Variants in COL28A1 observed in about 807,000 individuals in gnomAD.
COL28A1 encodes collagen type XXVIII alpha 1 chain.
COL28A1 carries 161 observed loss-of-function variants against 150.2 expected under a neutral mutation model. The observed-to-expected ratio is 1.07, with a 90% CI of 0.94 to 1.22. COL28A1 has a LOEUF of 1.22. Ranked by LOEUF, COL28A1 falls within the 50% of genes most tolerant of loss-of-function variation. The pLI is 0.00. For synonymous variants in COL28A1, 552 were observed against 469.7 expected, an observed-to-expected ratio of 1.18 and a Z score of -2.26; for missense variants, 1,617 against 1,388.3, an observed-to-expected ratio of 1.16 and a Z score of -2.62.
At chr7:7,480,133 A>G (rs1228568027) in intron 13 of COL28A1, among the ~76,000 whole-genome samples, 5 of 152,224 alleles carry the variant, frequency 3.3e-5, no homozygotes, top group Admixed American at 2.6e-4. Context: ...CCTCAAGCCC[A>G]GTAGCAGAAC....
chr7:7,352,702 T>C (rs577371257), downstream of COL28A1, among the ~76,000 whole-genome samples: 1 of 152,348 alleles, frequency 6.6e-6, no homozygotes, highest in South Asian at 2.1e-4. Flanking sequence ...ACTTTGATTT[T>C]AGCCCAGTGA....
chr7:7,511,753 G>A, intron 8 of COL28A1: 2 of 471,098 alleles, frequency 4.2e-6, no homozygotes, highest in Non-Finnish European at 8.8e-6. Context: ...ATGAGTTAGC[G>A]AGGACTGCTG....
chr7:7,369,803 A>G (rs2128282485), intron 33 of COL28A1, among the ~76,000 whole-genome samples: 1 of 152,230 alleles, frequency 6.6e-6, no homozygotes. Context: ...TGATGTTAGA[A>G]CACTGTTGCA....
Position 7,419,913 on chromosome 7 carries a change from G to A in COL28A1, c.2039C>T (p.Pro680Leu). 1 of 1,602,246 alleles carries A rather than the reference G, an allele frequency of 6.2e-7. No homozygotes were observed. Among genetic ancestry groups the A allele is most frequent in the Non-Finnish European group, 8.5e-7 (1 of 1,174,794 alleles). ...GVRGPPGPSG[P>L]RGVGTQGPKG... Reference sequence around the variant, plus strand: ...TGGCCCTTGGGTTCCTACGCCCCGAGGCCCAGAAGGACCTGGAGGGCCTCT... The same window carrying A: ...TGGCCCTTGGGTTCCTACGCCCCGAAGCCCAGAAGGACCTGGAGGGCCTCT... Residue 680 changes from proline to leucine, a missense_variant, in exon 26 of 35, where the codon CCT (proline) becomes CTT (leucine). Coordinates refer to ENST00000399429, the MANE Select transcript of COL28A1 (RefSeq NM_001037763.3).
intron 21 of COL28A1, 43 bp from the exon 22 acceptor site, chr7:7,437,505 G>A (rs966289100): frequency 1.3e-6 from 2 of 1,598,038 alleles, no homozygotes; most frequent in Non-Finnish European, 1.7e-6. Context: ...AGCAGAGAAA[G>A]CACATATAGA....
chr7:7,515,921 A>G (rs1781390966), intron 7 of COL28A1, 81 bp from the exon 8 acceptor site: 1 of 761,430 alleles, frequency 1.3e-6, no homozygotes, highest in African/African-American at 1.8e-5. Context: ...TTTCAATTAC[A>G]AGGTATAACA....
At chr7:7,456,793 T>C (rs954946545) in intron 15 of COL28A1, among the ~76,000 whole-genome samples, 15 of 152,208 alleles carry the variant, frequency 9.9e-5, no homozygotes, top group Non-Finnish European at 1.6e-4. Context: ...GCTTAGATTT[T>C]AGTAGGGGAA....
chr7:7,445,669 A>G (rs1352238917), intron 18 of COL28A1, among the ~76,000 whole-genome samples: 1 of 152,218 alleles, frequency 6.6e-6, no homozygotes, highest in Non-Finnish European at 1.5e-5. Context: ...ACTTTCAATC[A>G]GTTTAAAGCA....
Position 7,381,663 on chromosome 7 carries a change from G to T in COL28A1, c.2137-51C>A, listed in dbSNP as rs1355575282. 2.8e-6 allele frequency: 4 copies of T among 1,441,216 alleles called. 1 individual carries two copies. Among genetic ancestry groups the T allele is most frequent in the Non-Finnish European group, 3.9e-6 (4 of 1,024,404 alleles). The allele number at this position is 1,441,216 out of a possible 1,614,324, so 89.3% of individuals were successfully genotyped here. A position where few individuals can be genotyped will look rare whatever the true frequency, so the allele number is the denominator to read the frequency against. On this transcript the variant is annotated intron_variant, in intron 27 of 34. Coordinates refer to ENST00000399429, the MANE Select transcript of COL28A1 (RefSeq NM_001037763.3). ...TTCTATTAATTTCCCAGGATAGCTT[G>T]GCTATTCTTTGGGTCAGAAACACAC...
At chr7:7,429,686 T>C (rs768820026) in intron 25 of COL28A1, among the ~76,000 whole-genome samples, 7 of 152,118 alleles carry the variant, frequency 4.6e-5, no homozygotes, top group Non-Finnish European at 8.8e-5. Context: ...TCCTAACATC[T>C]CCTTCCAGGG....
At chr7:7,461,293 G>A (rs1787600970) in intron 15 of COL28A1, among the ~76,000 whole-genome samples, 1 of 152,208 alleles carries the variant, frequency 6.6e-6, no homozygotes, top group Non-Finnish European at 1.5e-5. Context: ...GGTCCTTGAG[G>A]ATGGCTGCCA....
the COL28A1 span, among the ~76,000 whole-genome samples, chr7:7,343,716 T>C: frequency 6.6e-6 from 1 of 152,046 alleles, no homozygotes; most frequent in Non-Finnish European, 1.5e-5. Context: ...ATATTTAAAG[T>C]GCATTTATGG....
intron 11 of COL28A1, among the ~76,000 whole-genome samples, chr7:7,503,282 C>G (rs1042705460): frequency 6.6e-6 from 1 of 152,144 alleles, no homozygotes; most frequent in Non-Finnish European, 1.5e-5. Context: ...CCTTAGTAGA[C>G]TAATCTGTAC....
rs570300644 is a variant in COL28A1, at chr7:7,497,508, C to G, written c.1027-6862G>C. 4.6e-5 allele frequency among the ~76,000 whole-genome samples: 7 copies of G among 152,278 alleles called. No individual in the cohort carries two copies. In the East Asian group the frequency reaches 1.2e-3, roughly 25 times the overall value. On this transcript the variant is annotated intron_variant, in intron 11 of 34. Coordinates refer to ENST00000399429, the MANE Select transcript of COL28A1 (RefSeq NM_001037763.3). The stretch of plus-strand genomic sequence containing the variant: ...ATAAAATATAGGACTGGGTTTGAAA[C>G]CCAGCAGTTTGAGGTTAAACCCAAA...
intron 15 of COL28A1, among the ~76,000 whole-genome samples, chr7:7,464,091 C>G (rs566648217): frequency 2.6e-5 from 4 of 152,220 alleles, no homozygotes; most frequent in Admixed American, 6.5e-5. Context: ...GATAAAAGGC[C>G]TTGTCCAACA....
rs762580541 is a variant in COL28A1, at chr7:7,477,117, G to T, written c.1228C>A (p.Pro410Thr). ...RGLPGEGFPG[P>T]KGEKGSEGPT... ...GGTACAGAAGGTATTGTTACCTTTGGTCCTGGAAATCCTTCTCCGGGTAAG... is the reference window on the plus strand; with the variant it reads ...GGTACAGAAGGTATTGTTACCTTTGTTCCTGGAAATCCTTCTCCGGGTAAG... Residue 410 changes from proline (P) to threonine (T), a missense_variant, in exon 14 of 35, where the codon CCA (proline) becomes ACA (threonine). Pro to Thr is a conservative substitution (Grantham distance 38). Transcript: ENST00000399429. The T allele has an allele frequency of 8.3e-7, 1 of 1,202,330 alleles. No individual in the cohort carries two copies. Among genetic ancestry groups the T allele is most frequent in the Non-Finnish European group, 1.2e-6 (1 of 803,140 alleles). The allele number at this position is 1,202,330 out of a possible 1,614,324, so 74.5% of individuals were successfully genotyped here.
chr7:7,414,526 C>T (rs1167629461), intron 27 of COL28A1, among the ~76,000 whole-genome samples: 1 of 152,208 alleles, frequency 6.6e-6, no homozygotes. Context: ...GAGGGGCGAG[C>T]CCATCGTGCT....
chr7:7,459,775 G>A (rs1787462322), intron 15 of COL28A1, among the ~76,000 whole-genome samples: 1 of 152,224 alleles, frequency 6.6e-6, no homozygotes, highest in Non-Finnish European at 1.5e-5. Context: ...ACCCTGGCAA[G>A]TAGGCCGTGG....
upstream of COL28A1, among the ~76,000 whole-genome samples, chr7:7,536,816 C>G (rs554041008): frequency 6.6e-5 from 10 of 152,310 alleles, no homozygotes; most frequent in East Asian, 1.7e-3. Flanking sequence ...TTACCAGGTG[C>G]TAGGCACTGT....
Sources: gnomAD v4.1 joint callset for allele counts (sites outside exome capture counted in the v4.1 genomes callset) on GRCh38, gnomAD v4.1.1 for gene constraint, MANE v1.5 for transcripts, NCBI Gene and HGNC (gene_info 2026-07-23, HGNC 2026-07-21) for gene names.